PLB1: variants seen among roughly 807,000 people sequenced by gnomAD.
PLB1 encodes phospholipase B1.
In PLB1, 242 loss-of-function variants were observed where a neutral mutation model predicts 227.4. The ratio of observed to expected loss-of-function variants is 1.06; its 90% CI spans 0.96 to 1.18. The LOEUF (loss-of-function observed/expected upper bound fraction) is 1.18, where lower values mean the gene tolerates loss of function less well. PLB1 is among the 50% of genes most tolerant of loss of function. PLB1 has a pLI of 0.00. For synonymous variants in PLB1, 757 were observed against 682.2 expected, an observed-to-expected ratio of 1.11 and a Z score of -1.71; for missense variants, 1,858 against 1,816.3, an observed-to-expected ratio of 1.02 and a Z score of -0.42.
chr2:28,590,369 T>C (rs1169335221), intron 29 of PLB1, among the ~76,000 whole-genome samples: 1 of 151,996 alleles, frequency 6.6e-6, no homozygotes. Flanking sequence ...CATCTACCTG[T>C]CATTCTGAAA....
chr2:28,602,953 G>A (rs1684136492), intron 39 of PLB1, 32 bp downstream of exon 39: 5 of 1,583,068 alleles, frequency 3.2e-6, no homozygotes, highest in Non-Finnish European at 3.5e-6. Flanking sequence ...CCACACTGGA[G>A]ATGCCCTCAC....
chr2:28,599,469 A>G (rs1455170444), intron 35 of PLB1, among the ~76,000 whole-genome samples: 1 of 152,228 alleles, frequency 6.6e-6, no homozygotes, highest in Non-Finnish European at 1.5e-5. Context: ...GACTCTTGGT[A>G]ATAGAAACAG....
intron 44 of PLB1, among the ~76,000 whole-genome samples, chr2:28,616,670 A>G (rs1253285589): frequency 1.3e-5 from 2 of 152,172 alleles, no homozygotes; most frequent in East Asian, 1.9e-4. Flanking sequence ...TTTACGTTGC[A>G]TTTTCTGTGA....
At chr2:28,607,269 A>C (rs1366949162) in intron 43 of PLB1, among the ~76,000 whole-genome samples, 1 of 152,178 alleles carries the variant, frequency 6.6e-6, no homozygotes, top group African/African-American at 2.4e-5. Context: ...ATAAAAGCAG[A>C]AGGCCTGACC....
In PLB1 at chr2:28,543,276, G is replaced by T; in HGVS notation, c.936+8G>T. ...CATCTCTGGAATAGGATGGTGAGTAGATGGGGCCTGGGGTGGGGCCCACAG... is the reference window on the plus strand; with the variant it reads ...CATCTCTGGAATAGGATGGTGAGTATATGGGGCCTGGGGTGGGGCCCACAG... On this transcript the variant is annotated splice_region_variant and intron_variant, in intron 14 of 57. Transcript: ENST00000327757. 1 of 1,610,994 alleles carries T rather than the reference G, an allele frequency of 6.2e-7. No individual in the cohort carries two copies. Among genetic ancestry groups the T allele is most frequent in the African/African-American group, 1.3e-5 (1 of 75,032 alleles).
chr2:28,540,606 C>A (rs1490623506), intron 12 of PLB1, among the ~76,000 whole-genome samples, 165 bp downstream of exon 12: 1 of 152,134 alleles, frequency 6.6e-6, no homozygotes, highest in Non-Finnish European at 1.5e-5. Flanking sequence ...TGCTTCACAT[C>A]GTGGTAGTGA....
intron 25 of PLB1, among the ~76,000 whole-genome samples, chr2:28,584,408 C>T (rs912577087): frequency 2.0e-5 from 3 of 152,240 alleles, no homozygotes; most frequent in African/African-American, 7.2e-5. Context: ...GTCAGGCATG[C>T]TATTTCCAAC....
chr2:28,591,492 G>C (rs1439748143), intron 30 of PLB1, among the ~76,000 whole-genome samples: 1 of 152,210 alleles, frequency 6.6e-6, no homozygotes, highest in Non-Finnish European at 1.5e-5. Flanking sequence ...TTGGACGGTG[G>C]AGGGGTCTGA....
In PLB1 at chr2:28,534,405, T is replaced by C. The variant is rs146476670; in HGVS notation, c.555+2211T>C. The stretch of plus-strand genomic sequence containing the variant: ...TCAATTTAAAGGATTGCAACCAACA[T>C]TGTAAAAAAAATAGAATAGAATAAA... On this transcript the variant is annotated intron_variant, in intron 9 of 57. Coordinates refer to ENST00000327757, the MANE Select transcript of PLB1 (RefSeq NM_153021.5). Among the ~76,000 whole-genome samples, 56 of 152,266 alleles carry C rather than the reference T, an allele frequency of 3.7e-4. 1 individual carries two copies. The highest frequency in any genetic ancestry group is 1.3e-3 in the African/African-American group (54 of 41,552).
At position 28,618,404 on chromosome 2, in the gene PLB1, G is replaced by A. The variant is rs770819570; in HGVS notation, c.3315+5G>A. The A allele has an allele frequency of 1.2e-6, 2 of 1,613,900 alleles. No individual in the cohort carries two copies. The highest frequency in any genetic ancestry group is 1.7e-6 in the Non-Finnish European group (2 of 1,179,812). Reference sequence around the variant, plus strand: ...GCCCTGGGTGACTCTCTGACTGTGAGTAGTGAGCCATGAACCAGGATGGGC... The same window carrying A: ...GCCCTGGGTGACTCTCTGACTGTGAATAGTGAGCCATGAACCAGGATGGGC... On this transcript the variant is annotated splice_donor_5th_base_variant and intron_variant, in intron 46 of 57. Coordinates refer to ENST00000327757, the MANE Select transcript of PLB1 (RefSeq NM_153021.5).
chr2:28,584,193 G>A (rs1680527581), intron 25 of PLB1, among the ~76,000 whole-genome samples: 1 of 152,202 alleles, frequency 6.6e-6, no homozygotes, highest in African/African-American at 2.4e-5. Context: ...GGGCTCAGCT[G>A]CTGTTTGCTG....
intron 9 of PLB1, 43 bp from the exon 10 acceptor site, chr2:28,538,276 C>T (rs773925675): frequency 2.7e-5 from 44 of 1,613,806 alleles, no homozygotes; most frequent in Admixed American, 6.7e-5. Flanking sequence ...ACCTCGTGGT[C>T]CTCCTGCAGG....
chr2:28,581,518 T>A (rs1277531225), intron 23 of PLB1, among the ~76,000 whole-genome samples: 5 of 142,086 alleles, frequency 3.5e-5, no homozygotes, highest in Non-Finnish European at 7.5e-5. Context: ...AATAAATAAA[T>A]AAATAAATAA....
intron 35 of PLB1, among the ~76,000 whole-genome samples, chr2:28,599,788 G>A (rs1356494899): frequency 1.3e-5 from 2 of 151,624 alleles, no homozygotes; most frequent in African/African-American, 4.9e-5. Context: ...GCTAATTTTT[G>A]TATTTTTAGT....
intron 4 of PLB1, among the ~76,000 whole-genome samples, chr2:28,520,579 A>G (rs1017450467): frequency 2.6e-5 from 4 of 152,100 alleles, no homozygotes; most frequent in African/African-American, 7.2e-5. Context: ...AAACTGAAAC[A>G]CTCTACCCAT....
intron 56 of PLB1, among the ~76,000 whole-genome samples, chr2:28,637,657 G>A (rs746967569): frequency 2.6e-5 from 4 of 152,304 alleles, no homozygotes; most frequent in Middle Eastern, 3.4e-3. Flanking sequence ...TTCCACCAGC[G>A]TCTGCCTCGC....
chr2:28,634,905 T>TATCAATC (rs70956025), intron 56 of PLB1, among the ~76,000 whole-genome samples: 3 of 151,624 alleles, frequency 2.0e-5, no homozygotes, highest in African/African-American at 7.3e-5. Context: ...AGTGAGACCC[T>TATCAATC]ATCTCAAAAA....
At chr2:28,519,020 T>C (rs1306261670) in intron 3 of PLB1, among the ~76,000 whole-genome samples, 2 of 152,242 alleles carry the variant, frequency 1.3e-5, no homozygotes, top group Non-Finnish European at 2.9e-5. Context: ...TTAAGCATGC[T>C]ATTCTTACTG....
chr2:28,619,235 C>T (rs1240380028), intron 46 of PLB1, among the ~76,000 whole-genome samples: 1 of 152,106 alleles, frequency 6.6e-6, no homozygotes, highest in Admixed American at 6.5e-5. Context: ...TGCGTTGTTC[C>T]CCTCCACCTA....
Sources: allele counts gnomAD v4.1 joint callset (sites outside exome capture counted in the v4.1 genomes callset), GRCh38; gene constraint gnomAD v4.1.1; transcripts MANE v1.5; gene names NCBI Gene and HGNC (gene_info 2026-07-23, HGNC 2026-07-21).